The following CHRNB3 variants were observed in gnomAD, a reference collection of about 807,000 sequenced individuals.
CHRNB3 encodes the protein neuronal acetylcholine receptor subunit beta-3.
Under a neutral mutation model 40.6 loss-of-function variants are expected in CHRNB3, and 37 were observed. That is an observed-to-expected ratio of 0.91 (90% confidence interval 0.70 to 1.20). The LOEUF is 1.20. Ranked by LOEUF, CHRNB3 falls within the 50% of genes most tolerant of loss-of-function variation. CHRNB3 has a pLI of 0.00. For missense variants in CHRNB3, 505 were observed against 551.2 expected (o/e 0.92, Z 0.84); for synonymous variants, 207 against 207.1 (o/e 1.00, Z 0.00).
intron 1 of CHRNB3, among the ~76,000 whole-genome samples, chr8:42,699,905 G>A (rs1815751407): frequency 7.2e-6 from 1 of 138,360 alleles, no homozygotes; most frequent in South Asian, 2.2e-4. Flanking sequence ...TTTTTTTGAC[G>A]AGGCGGCAAT....
At chr8:42,730,434 A>G (rs1172835241) in intron 3 of CHRNB3, among the ~76,000 whole-genome samples, 160 bp from the exon 4 acceptor site, 1 of 152,168 alleles carries the variant, frequency 6.6e-6, no homozygotes, top group African/African-American at 2.4e-5. Context: ...CTCAAGGTGA[A>G]TCCTGTACTG....
intron 3 of CHRNB3, among the ~76,000 whole-genome samples, chr8:42,727,382 A>G (rs1643952615): frequency 6.6e-6 from 1 of 151,492 alleles, no homozygotes; most frequent in African/African-American, 2.4e-5. Flanking sequence ...CGAAAAAAAA[A>G]AAAAAAAAGA....
chr8:42,717,140 G>A (rs950186236), intron 3 of CHRNB3, among the ~76,000 whole-genome samples: 1 of 134,474 alleles, frequency 7.4e-6, no homozygotes, highest in East Asian at 1.9e-4. Flanking sequence ...TTGGGAGGCC[G>A]AGGCGGGCGG....
intron 3 of CHRNB3, among the ~76,000 whole-genome samples, chr8:42,729,441 C>A (rs1020756264): frequency 2.0e-5 from 3 of 151,974 alleles, no homozygotes; most frequent in Admixed American, 6.6e-5. Flanking sequence ...AATATCATGC[C>A]ATTTTGTTAT....
At chr8:42,732,905 A>G (rs1816454725) in intron 5 of CHRNB3, among the ~76,000 whole-genome samples, 1 of 152,200 alleles carries the variant, frequency 6.6e-6, no homozygotes, top group Non-Finnish European at 1.5e-5. Context: ...GATGATAAAT[A>G]TGTTCAACCA....
intron 3 of CHRNB3, among the ~76,000 whole-genome samples, chr8:42,717,256 C>G (rs1161585010): frequency 7.2e-6 from 1 of 138,438 alleles, no homozygotes; most frequent in East Asian, 2.0e-4. Context: ...CGCCTGTAGT[C>G]CCAGCTACTT....
In CHRNB3 at chr8:42,708,873, G is replaced by C. The variant is rs1300423396; in HGVS notation, c.204+5G>C. On this transcript the variant is annotated splice_donor_5th_base_variant and intron_variant, in intron 2 of 5. Transcript: ENST00000289957. ...ATATCCCAGCTTGTAGATGTGGTGA[G>C]TAATCCTTGGCACTTGGCTAAAAAG... 10 of 1,609,918 alleles carry C rather than the reference G, an allele frequency of 6.2e-6. No homozygotes were observed. The highest frequency in any genetic ancestry group is 8.5e-6 in the Non-Finnish European group (10 of 1,177,976).
Position 42,708,786 on chromosome 8 carries a change from A to C in CHRNB3, c.122A>C (p.Gln41Pro), listed in dbSNP as rs761444265. 6.2e-7 allele frequency: 1 copy of C among 1,614,200 alleles called. No homozygotes were observed. The highest frequency in any genetic ancestry group is 1.1e-5 in the South Asian group (1 of 91,084). ...ALLRHLFQGY[Q>P]KWVRPVLHSN... is the part of the protein sequence containing the mutation. The stretch of plus-strand genomic sequence containing the variant: ...CTCAGACATTTGTTCCAAGGTTATC[A>C]GAAATGGGTCCGCCCTGTATTACAT... Residue 41 changes from glutamine (Q) to proline (P), a missense_variant, in exon 2 of 6, where the codon CAG becomes CCG. Physicochemically the swap from Gln to Pro is moderately conservative, Grantham distance 76. Coordinates refer to ENST00000289957, the MANE Select transcript of CHRNB3 (RefSeq NM_000749.5).
rs544144336 is a variant in CHRNB3, at chr8:42,731,901, C to G, written c.594C>G (p.Asn198Lys). The G allele has an allele frequency of 1.9e-6, 3 of 1,614,028 alleles. No individual in the cohort carries two copies. Among genetic ancestry groups the G allele is most frequent in the Non-Finnish European group, 2.5e-6 (3 of 1,180,004 alleles). The part of the protein sequence containing the change: ...ENVDRKDFFD[N>K]GEWEILNAKG... ...TCGACAGAAAAGACTTCTTCGATAA[C>G]GGAGAATGGGAAATACTGAACGCAA... Residue 198 changes from asparagine to lysine, a missense_variant, in exon 5 of 6, where the codon AAC becomes AAG. By Grantham distance (94) the Asn-to-Lys change is moderately conservative. Coordinates refer to ENST00000289957, the MANE Select transcript of CHRNB3 (RefSeq NM_000749.5).
At chr8:42,725,963 CA>C in intron 3 of CHRNB3, 1 of 1,114,792 alleles carries the variant, frequency 9.0e-7, no homozygotes. Flanking sequence ...ATGCGTACAA[CA>C]AAGGCCAAGG....
At chr8:42,712,387 G>C (rs1816031375) in intron 3 of CHRNB3, among the ~76,000 whole-genome samples, 1 of 152,128 alleles carries the variant, frequency 6.6e-6, no homozygotes, top group Non-Finnish European at 1.5e-5. Context: ...AGGAGCAATG[G>C]ATACAAGAAA....
rs771681832 is a variant in CHRNB3 at position 42,730,651 on chromosome 8, A to G, written c.307A>G (p.Ile103Val). The G allele has an allele frequency of 6.8e-6, 11 of 1,611,482 alleles. No homozygotes were observed. In the South Asian group the frequency reaches 9.9e-5, roughly 15 times the overall value. The part of the protein sequence containing the change: ...NPDDYGGIHS[I>V]KVPSESLWLP... ...TGATGATTATGGTGGGATCCATTCC[A>G]TTAAAGTTCCATCAGAATCTCTGTG... The change falls in exon 4 of 6, where the codon ATT becomes GTT. Residue 103 changes from isoleucine to valine, a missense_variant. Physicochemically the swap from Ile to Val is conservative, Grantham distance 29. Coordinates refer to ENST00000289957, the MANE Select transcript of CHRNB3 (RefSeq NM_000749.5).
At chr8:42,714,744 A>C (rs890966478) in intron 3 of CHRNB3, 2 of 152,260 alleles carry the variant, frequency 1.3e-5, no homozygotes, top group African/African-American at 4.8e-5. Flanking sequence ...CAACCATCCT[A>C]TAAGGGAGGT....
rs1201774638 is a variant in CHRNB3 at position 42,699,348 on chromosome 8, TATG to T, written c.52+1753_52+1755del. On this transcript the variant is annotated intron_variant, in intron 1 of 5. Coordinates refer to ENST00000289957, the MANE Select transcript of CHRNB3 (RefSeq NM_000749.5). ...TCCCATCTCTCTTACAACATGATGA[TATG>T]ATAAGACACAATGTGTTTATTCATT... 3 of 152,330 alleles carry T rather than the reference TATG, an allele frequency of 2.0e-5. No homozygotes were observed. The East Asian group carries it at 5.8e-4, about 29-fold the overall frequency. 9.4% of individuals were successfully genotyped at this position (152,330 alleles called of 1,614,324 possible).
chr8:42,703,441 T>TAAAAA (rs1563606389), intron 1 of CHRNB3, among the ~76,000 whole-genome samples: 1,016 of 11,970 alleles, frequency 0.085, 127 homozygotes, highest in Non-Finnish European at 0.14. Context: ...AAAAAATATT[T>TAAAAA]ATATATATAT....
At position 42,736,687 on chromosome 8, in the gene CHRNB3, A is replaced by T. The variant is rs963982733; in HGVS notation, c.*69A>T. On this transcript the variant is annotated 3_prime_UTR_variant, in exon 6 of 6. Transcript: ENST00000289957. ...TCTGGCTATCACACAGACAGAATCC[A>T]AATGCATGTGCTTGTTCTACGAACC... 1 of 1,574,254 alleles carries T rather than the reference A, an allele frequency of 6.4e-7. No homozygotes were observed. Among genetic ancestry groups the T allele is most frequent in the Non-Finnish European group, 8.7e-7 (1 of 1,147,676 alleles).
chr8:42,720,418 GA>G (rs1051164904), intron 3 of CHRNB3, among the ~76,000 whole-genome samples: 1 of 152,010 alleles, frequency 6.6e-6, no homozygotes, highest in Non-Finnish European at 1.5e-5. Context: ...CCAGCCCTCA[GA>G]CTGCTTCTTA....
intron 4 of CHRNB3, among the ~76,000 whole-genome samples, 166 bp from the exon 5 acceptor site, chr8:42,731,501 G>A (rs1816417017): frequency 2.0e-5 from 3 of 152,250 alleles, no homozygotes; most frequent in African/African-American, 7.2e-5. Context: ...GTTGCAGTGA[G>A]CCGAGATGGC....
intron 5 of CHRNB3, among the ~76,000 whole-genome samples, chr8:42,735,275 C>T (rs976649096): frequency 5.9e-5 from 9 of 152,058 alleles, no homozygotes; most frequent in African/African-American, 1.7e-4. Context: ...TGGTGGCTCA[C>T]GCCTGTAATC....
Sources: allele counts gnomAD v4.1 joint callset (sites outside exome capture counted in the v4.1 genomes callset), GRCh38; gene constraint gnomAD v4.1.1; transcripts MANE v1.5; gene names NCBI Gene and HGNC (gene_info 2026-07-23, HGNC 2026-07-21).